The following TRPM3 variants were observed in gnomAD, a reference collection of about 807,000 sequenced individuals.
The protein encoded by TRPM3 is long transient receptor potential channel 3.
Under a neutral mutation model 181.2 loss-of-function variants are expected in TRPM3, and 77 were observed. That is an observed-to-expected ratio of 0.42 (90% CI 0.35 to 0.51). The LOEUF is 0.51. TRPM3 is among the 20% of genes least tolerant of loss of function. TRPM3 has a pLI of 0.01. For synonymous variants in TRPM3, 745 were observed against 796.4 expected, an observed-to-expected ratio of 0.94 and a Z score of 1.09; for missense variants, 1,759 against 2,196.7, an observed-to-expected ratio of 0.80 and a Z score of 3.98.
intron 25 of TRPM3, among the ~76,000 whole-genome samples, chr9:70,546,363 C>A (rs561382536): frequency 2.8e-4 from 42 of 152,260 alleles, no homozygotes; most frequent in African/African-American, 9.1e-4. Context: ...AGGGGGCTAC[C>A]CAGCAACCTG....
chr9:70,681,151 C>T (rs1410756251), intron 9 of TRPM3, among the ~76,000 whole-genome samples: 3 of 152,104 alleles, frequency 2.0e-5, no homozygotes, highest in Non-Finnish European at 2.9e-5. Flanking sequence ...TATACTCACA[C>T]ATATGCCATA....
intron 1 of TRPM3, among the ~76,000 whole-genome samples, chr9:71,130,034 T>C (rs1243236714): frequency 6.6e-6 from 1 of 152,214 alleles, no homozygotes; most frequent in East Asian, 1.9e-4. Flanking sequence ...TATGATTTTT[T>C]GCAAATATGA....
rs2073633822 is a variant in TRPM3, at chr9:71,121,477, C to T, written c.-123G>A. On this transcript the variant is annotated 5_prime_UTR_variant, in exon 1 of 26. Coordinates refer to ENST00000677713, the MANE Select transcript of TRPM3 (RefSeq NM_001366145.2). ...CTTAAAACAGCCACCTCCCCTCTCT[C>T]TGCAGCCGTGCTCATGCATACCAAA... 1.4e-6 allele frequency: 2 copies of T among 1,445,116 alleles called. No homozygotes were observed. Among genetic ancestry groups the T allele is most frequent in the African/African-American group, 1.4e-5 (1 of 70,054 alleles). The allele number at this position is 1,445,116 out of a possible 1,614,324, so 89.5% of individuals were successfully genotyped here. A position where few individuals can be genotyped will look rare whatever the true frequency, so the allele number is the denominator to read the frequency against.
chr9:70,688,914 A>G (rs2067722929), intron 8 of TRPM3, among the ~76,000 whole-genome samples: 1 of 152,168 alleles, frequency 6.6e-6, no homozygotes, highest in Admixed American at 6.5e-5. Context: ...TGCACTGAAG[A>G]GCAGTTTATT....
chr9:70,949,624 G>A (rs1458497440), intron 1 of TRPM3, among the ~76,000 whole-genome samples: 1 of 150,968 alleles, frequency 6.6e-6, no homozygotes, highest in Non-Finnish European at 1.5e-5. Context: ...CCAAAGTCTT[G>A]AACTCCTGGG....
chr9:71,273,499 G>C (rs1164823647), intron 1 of TRPM3, among the ~76,000 whole-genome samples: 1 of 152,156 alleles, frequency 6.6e-6, no homozygotes, highest in African/African-American at 2.4e-5. Flanking sequence ...AAATTCATAA[G>C]TGATAACTTG....
At chr9:70,635,951 C>T (rs892384156) in intron 11 of TRPM3, among the ~76,000 whole-genome samples, 2 of 152,126 alleles carry the variant, frequency 1.3e-5, no homozygotes, top group African/African-American at 4.8e-5. Flanking sequence ...AACAAAAGGA[C>T]CCATTGACCG....
intron 6 of TRPM3, chr9:70,793,672 A>G (rs533705254): frequency 6.3e-4 from 298 of 470,474 alleles, no homozygotes; most frequent in African/African-American, 5.5e-3. Flanking sequence ...GAAGGTCCAC[A>G]TGAGCTGTTT....
At chr9:71,256,177 T>C (rs2082660620) in intron 1 of TRPM3, among the ~76,000 whole-genome samples, 1 of 152,208 alleles carries the variant, frequency 6.6e-6, no homozygotes, top group Non-Finnish European at 1.5e-5. Context: ...GAGCATCTTT[T>C]TGAGGAGGAA....
At chr9:70,837,012 G>A (rs1429683210) in intron 5 of TRPM3, among the ~76,000 whole-genome samples, 1 of 152,200 alleles carries the variant, frequency 6.6e-6, no homozygotes, top group Non-Finnish European at 1.5e-5. Context: ...AAAGCTGAGT[G>A]TGGTCCAGGC....
intron 1 of TRPM3, among the ~76,000 whole-genome samples, chr9:71,150,478 T>G (rs1037009373): frequency 1.3e-5 from 2 of 152,122 alleles, no homozygotes; most frequent in African/African-American, 4.8e-5. Flanking sequence ...AATTCCCTGG[T>G]GAAATTAAAT....
rs552837399 is a variant in TRPM3 at position 71,150,490 on chromosome 9, G to T, written c.184-285979C>A. ...GGTAATTCCCTGGTGAAATTAAATTGTAAAGAGTAAATAGTTTCAATACTA... is the reference window on the plus strand; with the variant it reads ...GGTAATTCCCTGGTGAAATTAAATTTTAAAGAGTAAATAGTTTCAATACTA... On this transcript the variant is annotated intron_variant, in intron 1 of 24. Transcript: ENST00000357533. 2.0e-5 allele frequency among the ~76,000 whole-genome samples: 3 copies of T among 152,180 alleles called. No individual in the cohort carries two copies. The South Asian group carries it at 6.2e-4, about 32-fold the overall frequency.
chr9:70,981,127 TC>T (rs1426911183), intron 1 of TRPM3, among the ~76,000 whole-genome samples: 1 of 152,142 alleles, frequency 6.6e-6, no homozygotes, highest in Non-Finnish European at 1.5e-5. Context: ...CATTCCCCCA[TC>T]CCCACAGACC....
At position 71,017,135 on chromosome 9, in the gene TRPM3, C is replaced by T. The variant is rs565050442; in HGVS notation, c.177+104043G>A. Among the ~76,000 whole-genome samples, 13 of 152,174 alleles carry T rather than the reference C, an allele frequency of 8.5e-5. No individual in the cohort carries two copies. The East Asian group carries it at 1.3e-3, about 16-fold the overall frequency. On this transcript the variant is annotated intron_variant, in intron 1 of 25. Transcript: ENST00000677713. The stretch of plus-strand genomic sequence containing the variant: ...AGCTAATCTACTTCTCACATAAATT[C>T]ATCAGAGAGACTTTCCAAAATGTTC...
chr9:70,781,019 A>G (rs1319138192), intron 7 of TRPM3, among the ~76,000 whole-genome samples: 1 of 152,146 alleles, frequency 6.6e-6, no homozygotes, highest in African/African-American at 2.4e-5. Context: ...ACTGCTAATT[A>G]AAGTTAAAAG....
chr9:70,588,227 T>A (rs1240079498), intron 22 of TRPM3, among the ~76,000 whole-genome samples: 2 of 152,198 alleles, frequency 1.3e-5, no homozygotes, highest in Non-Finnish European at 2.9e-5. Flanking sequence ...ATCTTATCGA[T>A]CTTTGATCTC....
chr9:70,549,665 A>AT lies in TRPM3; in HGVS notation c.3583dup (p.Ile1195AsnfsTer4), dbSNP rs765421387. The AT allele has an allele frequency of 6.2e-7, 1 of 1,601,606 alleles. No homozygotes were observed. The highest frequency in any genetic ancestry group is 8.5e-7 in the Non-Finnish European group (1 of 1,176,792). On this transcript the variant is annotated frameshift_variant, in exon 25 of 26. Coordinates refer to ENST00000677713, the MANE Select transcript of TRPM3 (RefSeq NM_001366145.2). LOFTEE classifies it high-confidence loss of function. ...TACTTTCTTGAGCTCATCATCGGTT[A>AT]TGAAGAGTTCTGTGGAAAAAAAAAA...
chr9:71,296,425 C>A (rs2086263815), intron 1 of TRPM3, among the ~76,000 whole-genome samples: 1 of 152,078 alleles, frequency 6.6e-6, no homozygotes, highest in African/African-American at 2.4e-5. Flanking sequence ...AACATTTGAC[C>A]TAGACTAGAA....
At chr9:71,295,606 G>T (rs571672949) in intron 1 of TRPM3, among the ~76,000 whole-genome samples, 9 of 148,168 alleles carry the variant, frequency 6.1e-5, no homozygotes, top group Non-Finnish European at 1.2e-4. Flanking sequence ...GAGGCAGGAG[G>T]ATAGCTTGAG....
Sources: allele counts gnomAD v4.1 joint callset (sites outside exome capture counted in the v4.1 genomes callset), GRCh38; gene constraint gnomAD v4.1.1; transcripts MANE v1.5; gene names NCBI Gene and HGNC (gene_info 2026-07-23, HGNC 2026-07-21).